The following ENOX1 variants were observed in gnomAD, a reference collection of about 807,000 sequenced individuals.
ENOX1 encodes the protein ecto-NOX disulfide-thiol exchanger 1, also known as candidate growth-related and time keeping constitutive hydroquinone (NADH) oxidase.
In ENOX1, 42 loss-of-function variants were observed where a neutral mutation model predicts 82.5. That is an observed-to-expected ratio of 0.51 (90% confidence interval 0.40 to 0.66). The LOEUF (loss-of-function observed/expected upper bound fraction) is 0.66, where lower values mean the gene tolerates loss of function less well. Ranked by LOEUF, ENOX1 falls within the 30% of genes least tolerant of loss-of-function variation. The probability of loss-of-function intolerance (pLI) is 0.00; values close to 1 mark genes in which losing one functional copy is unlikely to be tolerated. For synonymous variants in ENOX1, 271 were observed against 282.2 expected, an observed-to-expected ratio of 0.96 and a Z score of 0.40; for missense variants, 608 against 811.6, an observed-to-expected ratio of 0.75 and a Z score of 3.05.
rs760291198 is a variant in ENOX1 at position 43,504,519 on chromosome 13, C to T, written c.-218-20367G>A. On this transcript the variant is annotated intron_variant, in intron 2 of 16. Transcript: ENST00000690772. ...AAGAAAATCCTGTCATTTGCAACAACATGGATGAATCTGGAAGACATTATG... is the reference window on the plus strand; with the variant it reads ...AAGAAAATCCTGTCATTTGCAACAATATGGATGAATCTGGAAGACATTATG... Among the ~76,000 whole-genome samples the T allele has an allele frequency of 1.3e-4, 19 of 151,892 alleles. No individual in the cohort carries two copies. In the South Asian group the frequency reaches 1.5e-3, roughly 12 times the overall value.
chr13:43,345,518 A>G (rs992017254), intron 8 of ENOX1, among the ~76,000 whole-genome samples: 32 of 152,172 alleles, frequency 2.1e-4, no homozygotes, highest in Admixed American at 2.0e-3. Flanking sequence ...AAAATAAGTG[A>G]TAAAGTCTAT....
intron 3 of ENOX1, among the ~76,000 whole-genome samples, chr13:43,453,324 C>G (rs1317809865): frequency 6.6e-6 from 1 of 152,168 alleles, no homozygotes; most frequent in African/African-American, 2.4e-5. Context: ...GGGAGCAGTA[C>G]CTCTGGGCTC....
intron 5 of ENOX1, among the ~76,000 whole-genome samples, chr13:43,383,471 A>G (rs2052202974): frequency 6.6e-6 from 1 of 152,336 alleles, no homozygotes; most frequent in Non-Finnish European, 1.5e-5. Flanking sequence ...AGATAAAGCT[A>G]GTGTAAGTAT....
chr13:43,454,544 T>C (rs1040520909), intron 3 of ENOX1, among the ~76,000 whole-genome samples: 3 of 152,190 alleles, frequency 2.0e-5, no homozygotes, highest in African/African-American at 7.2e-5. Context: ...GCCTTACTAC[T>C]ATGCAAAATA....
At position 43,761,333 on chromosome 13, in the gene ENOX1, C is replaced by T. The variant is rs1045821048; in HGVS notation, c.-285+25319G>A. Reference sequence around the variant, plus strand: ...CAAAAACACATGGAACTACCTCAGACGATAAAGAAAATACCCTCATGTTTC... The same window carrying T: ...CAAAAACACATGGAACTACCTCAGATGATAAAGAAAATACCCTCATGTTTC... On this transcript the variant is annotated intron_variant, in intron 1 of 16. Transcript: ENST00000690772. Among the ~76,000 whole-genome samples the T allele has an allele frequency of 5.3e-5, 8 of 152,248 alleles. No individual in the cohort carries two copies. The South Asian group carries it at 1.2e-3, about 24-fold the overall frequency.
intron 2 of ENOX1, among the ~76,000 whole-genome samples, chr13:43,566,014 G>A (rs2079902895): frequency 6.6e-6 from 1 of 152,096 alleles, no homozygotes; most frequent in African/African-American, 2.4e-5. Flanking sequence ...ATCACCATGT[G>A]GGTTGCAGTA....
intron 2 of ENOX1, among the ~76,000 whole-genome samples, chr13:43,550,575 A>G (rs1182521806): frequency 6.6e-6 from 1 of 152,178 alleles, no homozygotes; most frequent in African/African-American, 2.4e-5. Flanking sequence ...GGTATATCCA[A>G]TCCTTGCTTG....
At chr13:43,303,154 C>T (rs539706154) in intron 11 of ENOX1, among the ~76,000 whole-genome samples, 1 of 152,296 alleles carries the variant, frequency 6.6e-6, no homozygotes, top group Non-Finnish European at 1.5e-5. Context: ...ATTTCATTGG[C>T]TGCTACCCAG....
intron 5 of ENOX1, among the ~76,000 whole-genome samples, chr13:43,394,159 A>G (rs145528088): frequency 6.6e-6 from 1 of 152,338 alleles, no homozygotes; most frequent in East Asian, 1.9e-4. Flanking sequence ...ATTCTTTTAC[A>G]GCAATACATA....
At chr13:43,675,523 T>C (rs1436775075) in intron 1 of ENOX1, among the ~76,000 whole-genome samples, 2 of 152,208 alleles carry the variant, frequency 1.3e-5, no homozygotes, top group African/African-American at 2.4e-5. Flanking sequence ...TATATGCATA[T>C]ATACATGGAT....
intron 14 of ENOX1, among the ~76,000 whole-genome samples, chr13:43,254,394 C>T (rs970514396): frequency 1.3e-5 from 2 of 152,112 alleles, no homozygotes; most frequent in African/African-American, 4.8e-5. Flanking sequence ...AACTCAGTCT[C>T]TTCTCTATGT....
chr13:43,374,901 A>T (rs1218836882), intron 5 of ENOX1, among the ~76,000 whole-genome samples: 3 of 152,140 alleles, frequency 2.0e-5, no homozygotes, highest in Admixed American at 1.3e-4. Context: ...CAGGGTGGTA[A>T]AGAGCAGAGG....
chr13:43,707,911 T>C (rs1402299717), intron 1 of ENOX1, among the ~76,000 whole-genome samples: 1 of 152,060 alleles, frequency 6.6e-6, no homozygotes, highest in African/African-American at 2.4e-5. Context: ...TTAGACTAGG[T>C]AGTTAGGCAG....
chr13:43,423,001 C>T lies in ENOX1; in HGVS notation c.-74-10013G>A, dbSNP rs145722047. On this transcript the variant is annotated intron_variant, in intron 3 of 16. Coordinates refer to ENST00000690772, the MANE Select transcript of ENOX1 (RefSeq NM_001347969.2). ...GGTAATATGTAGGGATTGGTACCATCGGAGGTTTCCAGAAGCCACTGGAGA... is the reference window on the plus strand; with the variant it reads ...GGTAATATGTAGGGATTGGTACCATTGGAGGTTTCCAGAAGCCACTGGAGA... Among the ~76,000 whole-genome samples, 230 of 152,228 alleles carry T rather than the reference C, an allele frequency of 1.5e-3. 2 individuals are homozygous for T. Among genetic ancestry groups the T allele is most frequent in the African/African-American group, 4.8e-3 (199 of 41,546 alleles).
intron 3 of ENOX1, chr13:43,459,487 T>C (rs543720086): frequency 1.3e-5 from 2 of 152,350 alleles, no homozygotes; most frequent in African/African-American, 4.8e-5. Context: ...AAAGTATTTT[T>C]ATTAGTAAAA....
chr13:43,776,265 G>A (rs1424213275), intron 1 of ENOX1, among the ~76,000 whole-genome samples: 1 of 152,142 alleles, frequency 6.6e-6, no homozygotes, highest in Non-Finnish European at 1.5e-5. Flanking sequence ...TTGAAGGACA[G>A]AATAACAAAG....
intron 3 of ENOX1, among the ~76,000 whole-genome samples, chr13:43,413,335 C>T (rs1431754461): frequency 1.3e-5 from 2 of 152,062 alleles, no homozygotes; most frequent in Non-Finnish European, 2.9e-5. Context: ...CACTACACAT[C>T]AATGGAGAGG....
At position 43,484,065 on chromosome 13, in the gene ENOX1, C is replaced by A; in HGVS notation, c.-131G>T. 2 of 985,414 alleles carry A rather than the reference C, an allele frequency of 2.0e-6. No homozygotes were observed. The highest frequency in any genetic ancestry group is 3.5e-5 in the African/African-American group (2 of 57,308). The allele number at this position is 985,414 out of a possible 1,614,324, so 61.0% of individuals were successfully genotyped here. ...GTGTTCTCTGGGGACTTGATTGAAACCATGTATTCATAAAAGTCTTTTAAA... is the reference window on the plus strand; with the variant it reads ...GTGTTCTCTGGGGACTTGATTGAAAACATGTATTCATAAAAGTCTTTTAAA... On this transcript the variant is annotated 5_prime_UTR_variant, in exon 3 of 17. Coordinates refer to ENST00000690772, the MANE Select transcript of ENOX1 (RefSeq NM_001347969.2).
At chr13:43,363,938 G>C (rs2050685019) in intron 5 of ENOX1, among the ~76,000 whole-genome samples, 1 of 152,114 alleles carries the variant, frequency 6.6e-6, no homozygotes, top group African/African-American at 2.4e-5. Flanking sequence ...GAGACTATGA[G>C]GTTTAATGAA....
Sources: gnomAD v4.1 joint callset for allele counts (sites outside exome capture counted in the v4.1 genomes callset) on GRCh38, gnomAD v4.1.1 for gene constraint, MANE v1.5 for transcripts, NCBI Gene and HGNC (gene_info 2026-07-23, HGNC 2026-07-21) for gene names.